GLIPR1L2: variants seen among roughly 807,000 people sequenced by gnomAD.
The protein encoded by GLIPR1L2 is GLIPR1-like protein 2.
A neutral mutation model predicts 28.4 loss-of-function variants in GLIPR1L2; 21 were observed. That is an observed-to-expected ratio of 0.74 (90% CI 0.52 to 1.06). The LOEUF (loss-of-function observed/expected upper bound fraction) is 1.06, where lower values mean the gene tolerates loss of function less well. GLIPR1L2 is among the 50% of genes least tolerant of loss of function. GLIPR1L2 has a pLI of 0.00. For synonymous variants in GLIPR1L2, 145 were observed against 139.3 expected (o/e 1.04, Z -0.29); for missense variants, 476 against 416.9 (o/e 1.14, Z -1.23).
chr12:75,403,826 T>C (rs1466706298), intron 1 of GLIPR1L2, among the ~76,000 whole-genome samples: 1 of 151,988 alleles, frequency 6.6e-6, no homozygotes, highest in African/African-American at 2.4e-5. Flanking sequence ...TTCAAGAAAC[T>C]CAGGAACCCT....
intron 1 of GLIPR1L2, among the ~76,000 whole-genome samples, chr12:75,406,869 T>C (rs2045807830): frequency 6.6e-6 from 1 of 151,994 alleles, no homozygotes; most frequent in Non-Finnish European, 1.5e-5. Flanking sequence ...CAGACTTTCC[T>C]GAGCCCTCTC....
chr12:75,395,860 C>G (rs1474777252), intron 1 of GLIPR1L2, among the ~76,000 whole-genome samples: 1 of 151,852 alleles, frequency 6.6e-6, no homozygotes, highest in Non-Finnish European at 1.5e-5. Context: ...TTTCTGTTCT[C>G]TATTTTATTT....
intron 4 of GLIPR1L2, among the ~76,000 whole-genome samples, chr12:75,430,386 A>G (rs2046079270): frequency 1.3e-5 from 2 of 152,222 alleles, no homozygotes; most frequent in Admixed American, 1.3e-4. Context: ...GAAAATAGAT[A>G]TTGTAGAATC....
intron 3 of GLIPR1L2, among the ~76,000 whole-genome samples, chr12:75,414,592 C>T (rs1328338675): frequency 6.6e-6 from 1 of 152,186 alleles, no homozygotes; most frequent in African/African-American, 2.4e-5. Context: ...GTCTTGCTAA[C>T]TTTGAATATA....
chr12:75,427,459 A>C (rs11833819), intron 4 of GLIPR1L2, among the ~76,000 whole-genome samples: 52,989 of 151,996 alleles, frequency 0.35, 9,603 homozygotes, highest in East Asian at 0.46. Flanking sequence ...CAAAGATCCA[A>C]AGGAAGGTCA....
intron 1 of GLIPR1L2, among the ~76,000 whole-genome samples, chr12:75,399,516 A>G (rs2139922753): frequency 6.6e-6 from 1 of 152,158 alleles, no homozygotes; most frequent in East Asian, 1.9e-4. Flanking sequence ...TATTTCTCTT[A>G]TTATAAGCAA....
intron 4 of GLIPR1L2, among the ~76,000 whole-genome samples, chr12:75,426,105 G>A (rs2046031600): frequency 6.6e-6 from 1 of 152,066 alleles, no homozygotes; most frequent in African/African-American, 2.4e-5. Flanking sequence ...AAATTTTACA[G>A]AAATAAAATT....
At chr12:75,425,255 G>C (rs2046022592) in intron 4 of GLIPR1L2, among the ~76,000 whole-genome samples, 1 of 152,138 alleles carries the variant, frequency 6.6e-6, no homozygotes, top group South Asian at 2.1e-4. Flanking sequence ...GCATCCCTGG[G>C]GGGATGGTCC....
intron 1 of GLIPR1L2, among the ~76,000 whole-genome samples, chr12:75,397,469 T>G (rs2045693047): frequency 6.6e-6 from 1 of 152,168 alleles, no homozygotes; most frequent in Non-Finnish European, 1.5e-5. Flanking sequence ...TATGCTTATT[T>G]TCAGCAGAGA....
At chr12:75,399,549 A>G (rs1043789642) in intron 1 of GLIPR1L2, among the ~76,000 whole-genome samples, 44 of 152,200 alleles carry the variant, frequency 2.9e-4, no homozygotes, top group Non-Finnish European at 3.2e-4. Flanking sequence ...TTTCATGTGA[A>G]TAAGGATCTG....
rs4019358 is a variant in GLIPR1L2 at position 75,409,565 on chromosome 12, G to GTATATATATATA, written c.235-866_235-855dup. Among the ~76,000 whole-genome samples the GTATATATATATA allele has an allele frequency of 2.0e-3, 280 of 143,432 alleles. 1 individual carries two copies. The highest frequency in any genetic ancestry group is 3.6e-3 in the Non-Finnish European group (238 of 65,782). 94.1% of individuals were successfully genotyped at this position (143,432 alleles called of 152,430 possible). A position where few individuals can be genotyped will look rare whatever the true frequency, so the allele number is the denominator to read the frequency against. ...TAAAAGATTTTTTTTGGGTGTGTGT[G>GTATATATATATA]TATATATATATATACACACACACAT... On this transcript the variant is annotated intron_variant, in intron 1 of 5. Coordinates refer to ENST00000550916, the MANE Select transcript of GLIPR1L2 (RefSeq NM_001270396.2).
chr12:75,407,524 A>G (rs1011029972), intron 1 of GLIPR1L2, among the ~76,000 whole-genome samples: 1 of 152,142 alleles, frequency 6.6e-6, no homozygotes, highest in African/African-American at 2.4e-5. Context: ...AGAGCTGAGG[A>G]GAGACATAAG....
chr12:75,394,069 GAACT>G (rs2045657861), intron 1 of GLIPR1L2, among the ~76,000 whole-genome samples: 1 of 151,950 alleles, frequency 6.6e-6, no homozygotes, highest in South Asian at 2.1e-4. Flanking sequence ...CTTCTTTGAA[GAACT>G]ATCTATTCAA....
At chr12:75,411,735 T>C (rs2045869925) in intron 2 of GLIPR1L2, among the ~76,000 whole-genome samples, 1 of 151,982 alleles carries the variant, frequency 6.6e-6, no homozygotes. Context: ...ATTCTTTTAA[T>C]GTATCACCTT....
At chr12:75,413,360 A>T (rs2045890500) in intron 2 of GLIPR1L2, among the ~76,000 whole-genome samples, 2 of 145,064 alleles carry the variant, frequency 1.4e-5, no homozygotes, top group South Asian at 4.5e-4. Context: ...ATAAAATAAA[A>T]TTAAAAAAAA....
rs2046084848 is a variant in GLIPR1L2, at chr12:75,430,868, G to A, written c.742G>A (p.Val248Met). The change falls in exon 6 of 6, where the codon GTG becomes ATG. Residue 248 changes from valine (V) to methionine (M), a missense_variant. Transcript: ENST00000550916. ...AAAATGGGAAATGCCCCGGCCAGTT[G>A]TGTGTGATCCACTGTGCACATTCAT... Reference protein sequence around the residue: ...YPKWEMPRPVVCDPLCTFILL... With the variant: ...YPKWEMPRPVMCDPLCTFILL... 5.2e-6 allele frequency: 8 copies of A among 1,535,538 alleles called. No individual in the cohort carries two copies. The highest frequency in any genetic ancestry group is 7.0e-6 in the Non-Finnish European group (8 of 1,146,456).
intron 4 of GLIPR1L2, among the ~76,000 whole-genome samples, chr12:75,429,071 G>C (rs966485041): frequency 6.6e-6 from 1 of 152,216 alleles, no homozygotes; most frequent in African/African-American, 2.4e-5. Context: ...CTGGGGCACT[G>C]CATAATAGAG....
chr12:75,428,728 G>C (rs1399406242), intron 4 of GLIPR1L2, among the ~76,000 whole-genome samples: 2 of 152,186 alleles, frequency 1.3e-5, no homozygotes, highest in African/African-American at 2.4e-5. Flanking sequence ...CCGCTGCTCT[G>C]TGTAGCCTTG....
intron 4 of GLIPR1L2, among the ~76,000 whole-genome samples, chr12:75,430,216 G>A (rs772496270): frequency 2.5e-4 from 38 of 152,056 alleles, no homozygotes; most frequent in South Asian, 6.2e-4. Flanking sequence ...TTATCTCATT[G>A]GACTAGTTAA....
Sources: allele counts gnomAD v4.1 joint callset (sites outside exome capture counted in the v4.1 genomes callset), GRCh38; gene constraint gnomAD v4.1.1; transcripts MANE v1.5; gene names NCBI Gene and HGNC (gene_info 2026-07-23, HGNC 2026-07-21).